Variants in PROC observed in about 807,000 individuals in gnomAD.
The protein encoded by PROC is protein C, inactivator of coagulation factors Va and VIIIa.
In PROC, 22 loss-of-function variants were observed where a neutral mutation model predicts 36.3. That is an observed-to-expected ratio of 0.61 (90% CI 0.43 to 0.86). The LOEUF (loss-of-function observed/expected upper bound fraction) is 0.86, where lower values mean the gene tolerates loss of function less well. PROC is among the 40% of genes least tolerant of loss of function. The pLI, the probability that PROC is intolerant of heterozygous loss-of-function variation, is 0.00. For missense variants in PROC, 526 were observed against 629.7 expected, an observed-to-expected ratio of 0.84 and a Z score of 1.76; for synonymous variants, 218 against 244.5, an observed-to-expected ratio of 0.89 and a Z score of 1.01.
At position 127,428,607 on chromosome 2, in the gene PROC, G is replaced by C. The variant is rs749815057; in HGVS notation, c.1047G>C (p.Glu349Asp). Residue 349 changes from glutamate (E) to aspartate (D), a missense_variant, in exon 9 of 9, where the codon GAG becomes GAC. By Grantham distance (45) the Glu-to-Asp change is conservative (BLOSUM62 2). Transcript: ENST00000234071. The stretch of plus-strand genomic sequence containing the variant: ...GCTGGGGCTACCACAGCAGCCGAGA[G>C]AAGGAGGCCAAGAGAAACCGCACCT... ...VTGWGYHSSREKEAKRNRTFV... is the reference protein window; with the variant it reads ...VTGWGYHSSRDKEAKRNRTFV... The C allele has an allele frequency of 1.2e-6, 2 of 1,614,068 alleles. No homozygotes were observed. The highest frequency in any genetic ancestry group is 3.3e-5 in the Admixed American group (2 of 60,038).
At chr2:127,419,370 T>G (rs957896511) in intron 1 of PROC, among the ~76,000 whole-genome samples, 2 of 152,212 alleles carry the variant, frequency 1.3e-5, no homozygotes, top group Non-Finnish European at 2.9e-5. Context: ...GAGCTTTATG[T>G]GGACTAACTC....
Position 127,418,847 on chromosome 2 carries a change from A to C in PROC, c.-22+355A>C, listed in dbSNP as rs1020002032. 5.3e-5 allele frequency among the ~76,000 whole-genome samples: 8 copies of C among 152,114 alleles called. No homozygotes were observed. Among genetic ancestry groups the C allele is most frequent in the Non-Finnish European group, 4.4e-5 (3 of 68,010 alleles). On this transcript the variant is annotated intron_variant, in intron 1 of 8. Coordinates refer to ENST00000234071, the MANE Select transcript of PROC (RefSeq NM_000312.4). This position sits in a 1 kb window ranked among gnomAD's most constrained non-coding sequence, Gnocchi z 4.8. ...TCAGAGGGAGTCGGCAAGAATGGAG[A>C]GCAGGGTCCGGTAGGGTGTGCAGAG...
intron 6 of PROC, among the ~76,000 whole-genome samples, chr2:127,425,603 C>A (rs1240965702): frequency 6.6e-6 from 1 of 152,220 alleles, no homozygotes; most frequent in Non-Finnish European, 1.5e-5. Context: ...CCAGGGATCA[C>A]CCCCAACAGC....
At position 127,429,019 on chromosome 2, in the gene PROC, C is replaced by T. The variant is rs199469473; in HGVS notation, c.*73C>T. ...TTAAAGGGACATGTAACAAGCACAC[C>T]GGCCTGCTGTTCTGTCCTTCCATCC... On this transcript the variant is annotated 3_prime_UTR_variant, in exon 9 of 9. Coordinates refer to ENST00000234071, the MANE Select transcript of PROC (RefSeq NM_000312.4). The T allele has an allele frequency of 3.4e-5, 52 of 1,528,272 alleles. No individual in the cohort carries two copies. The highest frequency in any genetic ancestry group is 2.9e-4 in the East Asian group (13 of 44,310). 94.7% of individuals were successfully genotyped at this position (1,528,272 alleles called of 1,614,324 possible). A position where few individuals can be genotyped will look rare whatever the true frequency, so the allele number is the denominator to read the frequency against.
intron 8 of PROC, 143 bp downstream of exon 8, chr2:127,427,365 G>T (rs879630473): frequency 3.4e-5 from 25 of 733,398 alleles, no homozygotes; most frequent in Non-Finnish European, 5.3e-5. Flanking sequence ...TTGGGGGGAA[G>T]AGGCCTATGT....
At chr2:127,420,934 T>C (rs1259948467) in intron 2 of PROC, among the ~76,000 whole-genome samples, 1 of 152,164 alleles carries the variant, frequency 6.6e-6, no homozygotes, top group Non-Finnish European at 1.5e-5. Flanking sequence ...AGGGACTGTA[T>C]TGGATGTTTT....
Position 127,421,337 on chromosome 2 carries a change from G to A in PROC, c.125G>A (p.Arg42His), listed in dbSNP as rs369504169. 7 of 1,613,762 alleles carry A rather than the reference G, an allele frequency of 4.3e-6. No individual in the cohort carries two copies. The highest frequency in any genetic ancestry group is 4.2e-6 in the Non-Finnish European group (5 of 1,179,920). The change falls in exon 3 of 9, where the codon CGT (arginine) becomes CAT (histidine). Residue 42 changes from arginine (R) to histidine (H), a missense_variant. Arg to His is a conservative substitution (Grantham distance 29). Coordinates refer to ENST00000234071, the MANE Select transcript of PROC (RefSeq NM_000312.4). Reference sequence around the variant, plus strand: ...CACCAGGTGCTGCGGATCCGCAAACGTGCCAACTCCTTCCTGGAGGAGCTC... The same window carrying A: ...CACCAGGTGCTGCGGATCCGCAAACATGCCAACTCCTTCCTGGAGGAGCTC... ...RAHQVLRIRK[R>H]ANSFLEELRH...
At position 127,421,363 on chromosome 2, in the gene PROC, C is replaced by A. The variant is rs764546127; in HGVS notation, c.151C>A (p.Arg51Ser). The change falls in exon 3 of 9, where the codon CGT (arginine) becomes AGT (serine). Residue 51 changes from arginine to serine, a missense_variant. By Grantham distance (110) the Arg-to-Ser change is moderately radical. Coordinates refer to ENST00000234071, the MANE Select transcript of PROC (RefSeq NM_000312.4). The part of the protein sequence containing the change: ...KRANSFLEEL[R>S]HSSLERECIE... ...TGCCAACTCCTTCCTGGAGGAGCTC[C>A]GTCACAGCAGCCTGGAGCGGGAGTG... 3 of 1,613,838 alleles carry A rather than the reference C, an allele frequency of 1.9e-6. No individual in the cohort carries two copies. Among genetic ancestry groups the A allele is most frequent in the Non-Finnish European group, 2.5e-6 (3 of 1,179,970 alleles).
chr2:127,428,723 C>G lies in PROC; in HGVS notation c.1163C>G (p.Ala388Gly), dbSNP rs769277939. ...ATGGTGTCTGAGAACATGCTGTGTGCGGGCATCCTCGGGGACCGGCAGGAT... is the reference window on the plus strand; with the variant it reads ...ATGGTGTCTGAGAACATGCTGTGTGGGGGCATCCTCGGGGACCGGCAGGAT... ...SNMVSENMLC[A>G]GILGDRQDAC... Residue 388 changes from alanine to glycine, a missense_variant, in exon 9 of 9, where the codon GCG (alanine) becomes GGG (glycine). Physicochemically the swap from Ala to Gly is moderately conservative, Grantham distance 60. Transcript: ENST00000234071. 2.8e-5 allele frequency: 45 copies of G among 1,613,516 alleles called. No homozygotes were observed. Among genetic ancestry groups the G allele is most frequent in the Non-Finnish European group, 3.7e-5 (44 of 1,180,030 alleles).
intron 6 of PROC, chr2:127,423,710 C>G: frequency 2.4e-6 from 1 of 422,652 alleles, no homozygotes; most frequent in Non-Finnish European, 4.2e-6. Flanking sequence ...GTGGTGGCTC[C>G]GCTCCCCAGT....
intron 2 of PROC, among the ~76,000 whole-genome samples, chr2:127,420,542 T>C (rs1688034458): frequency 2.6e-5 from 4 of 152,144 alleles, no homozygotes. Context: ...GCTGTTTATC[T>C]GCTTGGGACC....
At chr2:127,427,048 T>C in intron 7 of PROC, 57 bp from the exon 8 acceptor site, 2 of 1,473,838 alleles carry the variant, frequency 1.4e-6, no homozygotes, top group Non-Finnish European at 1.9e-6. Context: ...CCAGGTGCCC[T>C]GGACTGGAGG....
Position 127,426,545 on chromosome 2 carries a change from G to C in PROC, c.678+318G>C, listed in dbSNP as rs1688511983. 1 of 429,746 alleles carries C rather than the reference G, an allele frequency of 2.3e-6. No individual in the cohort carries two copies. The allele number at this position is 429,746 out of a possible 1,614,324, so 26.6% of individuals were successfully genotyped here. ...AAGCCCTGCTGATGGGAGAGGGCTAGGAGGGAGGGCCGGGCCTGAGTACCC... is the reference window on the plus strand; with the variant it reads ...AAGCCCTGCTGATGGGAGAGGGCTACGAGGGAGGGCCGGGCCTGAGTACCC... On this transcript the variant is annotated intron_variant, in intron 7 of 8. Coordinates refer to ENST00000234071, the MANE Select transcript of PROC (RefSeq NM_000312.4). The surrounding 1 kb of genome is among the most constrained non-coding windows in gnomAD (Gnocchi z 7.0).
intron 8 of PROC, 51 bp from the exon 9 acceptor site, chr2:127,428,306 C>T (rs748992781): frequency 1.7e-5 from 26 of 1,574,164 alleles, no homozygotes; most frequent in Non-Finnish European, 2.1e-5. Flanking sequence ...GAAAGTGCCA[C>T]TGGGGAGAGG....
Position 127,428,533 on chromosome 2 carries a change from C to A in PROC, c.973C>A (p.Leu325Ile), listed in dbSNP as rs1192356099. The A allele has an allele frequency of 6.2e-7, 1 of 1,613,960 alleles. No homozygotes were observed. The highest frequency in any genetic ancestry group is 8.5e-7 in the Non-Finnish European group (1 of 1,180,046). Reference protein sequence around the residue: ...IVPICLPDSGLAERELNQAGQ... With the variant: ...IVPICLPDSGIAERELNQAGQ... ...GCCCATCTGCCTCCCGGACAGCGGCCTTGCAGAGCGCGAGCTCAATCAGGC... is the reference window on the plus strand; with the variant it reads ...GCCCATCTGCCTCCCGGACAGCGGCATTGCAGAGCGCGAGCTCAATCAGGC... Residue 325 changes from leucine (L) to isoleucine (I), a missense_variant, in exon 9 of 9, where the codon CTT becomes ATT. Coordinates refer to ENST00000234071, the MANE Select transcript of PROC (RefSeq NM_000312.4).
intron 2 of PROC, among the ~76,000 whole-genome samples, chr2:127,420,234 G>A (rs573189006): frequency 6.6e-5 from 10 of 152,298 alleles, no homozygotes; most frequent in Non-Finnish European, 2.9e-5. Flanking sequence ...AGGGAGCCCC[G>A]CGATGACCTC....
Position 127,422,872 on chromosome 2 carries a change from C to T in PROC, c.238-45C>T, listed in dbSNP as rs759193989. The T allele has an allele frequency of 7.1e-6, 11 of 1,548,060 alleles. No individual in the cohort carries two copies. In the Admixed American group the frequency reaches 7.8e-5, roughly 11 times the overall value. On this transcript the variant is annotated intron_variant, in intron 3 of 8. Coordinates refer to ENST00000234071, the MANE Select transcript of PROC (RefSeq NM_000312.4). ...CTGCCCCACCCGGGCGCGCCCCCTC[C>T]GCACACCGGCTGCAGGAGCCTGACG... is the stretch of plus-strand genomic sequence containing the variant.
intron 7 of PROC, 50 bp from the exon 8 acceptor site, chr2:127,427,055 G>C: frequency 6.7e-7 from 1 of 1,496,626 alleles, no homozygotes; most frequent in Non-Finnish European, 9.3e-7. Context: ...CCCTGGACTG[G>C]AGGCTGTCAG....
intron 8 of PROC, 46 bp downstream of exon 8, chr2:127,427,268 AG>A (rs763111739): frequency 6.5e-7 from 1 of 1,535,498 alleles, no homozygotes; most frequent in Non-Finnish European, 9.0e-7. Context: ...AGGCCTGGGT[AG>A]GGGGACCAGG....
Sources: gnomAD v4.1 joint callset for allele counts (sites outside exome capture counted in the v4.1 genomes callset) on GRCh38, gnomAD v4.1.1 for gene constraint, Gnocchi (gnomAD v3.1) non-coding constraint, MANE v1.5 for transcripts, NCBI Gene and HGNC (gene_info 2026-07-23, HGNC 2026-07-21) for gene names.